The following NRXN3 variants were observed in gnomAD, a reference collection of about 807,000 sequenced individuals.
NRXN3 encodes the protein neurexin III.
A neutral mutation model predicts 137.6 loss-of-function variants in NRXN3; 32 were observed. The observed-to-expected ratio is 0.23, with a 90% CI of 0.18 to 0.31. The LOEUF is 0.31. Among genes scored for constraint, NRXN3 ranks in the 10% least tolerant of loss-of-function variants. The pLI, the probability that NRXN3 is intolerant of heterozygous loss-of-function variation, is 1.00. For missense variants in NRXN3, 1,574 were observed against 2,062.5 expected (o/e 0.76, Z 4.59); for synonymous variants, 798 against 784.5 (o/e 1.02, Z -0.29).
At chr14:79,341,730 G>C (rs766587331) in intron 15 of NRXN3, among the ~76,000 whole-genome samples, 1 of 152,176 alleles carries the variant, frequency 6.6e-6, no homozygotes, top group Non-Finnish European at 1.5e-5. Flanking sequence ...GAACATGTAA[G>C]TGTGAGGTCA....
intron 19 of NRXN3, among the ~76,000 whole-genome samples, chr14:79,710,181 C>G (rs2098797987): frequency 6.6e-6 from 1 of 151,738 alleles, no homozygotes; most frequent in Non-Finnish European, 1.5e-5. Context: ...TGCATGTGTT[C>G]TTTTGTCTTT....
intron 15 of NRXN3, chr14:79,280,549 C>T (rs1482450949): frequency 1.2e-6 from 2 of 1,607,598 alleles, no homozygotes; most frequent in Admixed American, 1.7e-5. Flanking sequence ...GTAGGTCTCT[C>T]TGCTCTTTAT....
chr14:78,480,466 T>C (rs2095454068), intron 4 of NRXN3, among the ~76,000 whole-genome samples: 1 of 152,212 alleles, frequency 6.6e-6, no homozygotes, highest in South Asian at 2.1e-4. Flanking sequence ...GGAATCTTTA[T>C]TTAACAAAAG....
chr14:78,855,396 T>C, intron 10 of NRXN3, among the ~76,000 whole-genome samples: 1 of 152,146 alleles, frequency 6.6e-6, no homozygotes, highest in Non-Finnish European at 1.5e-5. Flanking sequence ...AGGTACACTT[T>C]GGTATAATGA....
chr14:79,306,904 A>G (rs934822845), intron 15 of NRXN3, among the ~76,000 whole-genome samples: 2 of 152,046 alleles, frequency 1.3e-5, no homozygotes, highest in South Asian at 2.1e-4. Context: ...ACTTCATTAA[A>G]CTTGACAGCC....
intron 8 of NRXN3, among the ~76,000 whole-genome samples, chr14:78,729,929 G>C (rs998139368): frequency 1.3e-5 from 2 of 152,196 alleles, no homozygotes; most frequent in Non-Finnish European, 2.9e-5. Context: ...GTTAACTATA[G>C]TTAGAATTCT....
chr14:78,808,742 C>G (rs1337542904), intron 9 of NRXN3, among the ~76,000 whole-genome samples: 1 of 152,178 alleles, frequency 6.6e-6, no homozygotes, highest in Non-Finnish European at 1.5e-5. Flanking sequence ...ATTCTGCCTC[C>G]TTACTCAGAA....
chr14:79,321,967 T>C (rs1169152533), intron 15 of NRXN3, among the ~76,000 whole-genome samples: 1 of 151,734 alleles, frequency 6.6e-6, no homozygotes, highest in Non-Finnish European at 1.5e-5. Flanking sequence ...CCAGTTATAG[T>C]GGCTCATCAT....
intron 8 of NRXN3, among the ~76,000 whole-genome samples, chr14:78,721,832 A>C (rs1222141783): frequency 2.0e-5 from 3 of 151,948 alleles, no homozygotes; most frequent in Non-Finnish European, 4.4e-5. Flanking sequence ...TACATAAATC[A>C]AACTGTCTCC....
At position 78,892,273 on chromosome 14, in the gene NRXN3, G is replaced by T. The variant is rs1335683944; in HGVS notation, c.2276-64969G>T. ...CTTTCACGTGGAGACATCTGAGAAGGCTTGAAGAAAGAGATTGTATTTGAG... is the reference window on the plus strand; with the variant it reads ...CTTTCACGTGGAGACATCTGAGAAGTCTTGAAGAAAGAGATTGTATTTGAG... On this transcript the variant is annotated intron_variant, in intron 10 of 20. Transcript: ENST00000335750. 2.0e-5 allele frequency among the ~76,000 whole-genome samples: 3 copies of T among 152,118 alleles called. No homozygotes were observed. In the East Asian group the frequency reaches 5.8e-4, roughly 29 times the overall value.
At chr14:78,603,691 A>G (rs1013554326) in intron 4 of NRXN3, among the ~76,000 whole-genome samples, 1 of 152,150 alleles carries the variant, frequency 6.6e-6, no homozygotes, top group Non-Finnish European at 1.5e-5. Context: ...GCTGTGATTA[A>G]TAAATAACCA....
At chr14:79,305,390 T>C (rs1227357974) in intron 15 of NRXN3, among the ~76,000 whole-genome samples, 1 of 152,070 alleles carries the variant, frequency 6.6e-6, no homozygotes, top group African/African-American at 2.4e-5. Flanking sequence ...CAGAACATTC[T>C]TCTAACACCT....
intron 16 of NRXN3, among the ~76,000 whole-genome samples, chr14:79,654,782 G>T (rs904961616): frequency 6.6e-6 from 1 of 152,186 alleles, no homozygotes; most frequent in Admixed American, 6.5e-5. Flanking sequence ...GAATTTATCT[G>T]AGGGATTGAC....
rs188824352 is a variant in NRXN3, at chr14:79,408,712, T to C, written c.3263-58509T>C. Among the ~76,000 whole-genome samples, 163 of 152,178 alleles carry C rather than the reference T, an allele frequency of 1.1e-3. 1 individual carries two copies. The highest frequency in any genetic ancestry group is 3.6e-3 in the African/African-American group (149 of 41,554). On this transcript the variant is annotated intron_variant, in intron 15 of 20. Transcript: ENST00000335750. The stretch of plus-strand genomic sequence containing the variant: ...CCTCCTCCAGCTCTACCTTCAACTT[T>C]CTTTTCACTTTCTTTCCTACTAAGA...
chr14:78,327,030 G>A (rs1484757315), intron 4 of NRXN3, among the ~76,000 whole-genome samples: 1 of 152,014 alleles, frequency 6.6e-6, no homozygotes, highest in Non-Finnish European at 1.5e-5. Flanking sequence ...ACTAGTTTAT[G>A]TATTTTAAGT....
intron 16 of NRXN3, among the ~76,000 whole-genome samples, chr14:79,503,669 G>C (rs977406186): frequency 2.0e-5 from 3 of 152,124 alleles, no homozygotes; most frequent in African/African-American, 7.2e-5. Context: ...ACAGCTTCCT[G>C]CCACTCCAGC....
At chr14:79,803,897 GTGTA>G (rs1354351369) in intron 19 of NRXN3, among the ~76,000 whole-genome samples, 1 of 139,798 alleles carries the variant, frequency 7.2e-6, no homozygotes, top group Non-Finnish European at 1.6e-5. Flanking sequence ...AAAAGTGTGT[GTGTA>G]TATATATATA....
chr14:78,236,692 C>T (rs1389969816), intron 1 of NRXN3, among the ~76,000 whole-genome samples: 2 of 151,574 alleles, frequency 1.3e-5, no homozygotes, highest in African/African-American at 4.8e-5. Context: ...TTTTAAATTT[C>T]ATGAAGTTCA....
chr14:78,811,467 A>C (rs151105389), intron 10 of NRXN3, among the ~76,000 whole-genome samples: 1 of 152,308 alleles, frequency 6.6e-6, no homozygotes, highest in East Asian at 1.9e-4. Context: ...GGTTTGCTAG[A>C]CATGACTCCA....
Sources: allele counts gnomAD v4.1 joint callset (sites outside exome capture counted in the v4.1 genomes callset), GRCh38; gene constraint gnomAD v4.1.1; transcripts MANE v1.5; gene names NCBI Gene and HGNC (gene_info 2026-07-23, HGNC 2026-07-21).